The following SLC9D1 variants were observed in gnomAD, a reference collection of about 807,000 sequenced individuals.
SLC9D1 encodes the protein solute carrier family 9 member D1.
At chr13:113,536,657 A>G in the SLC9D1 span, 1 of 795,032 alleles carries the variant, frequency 1.3e-6, no homozygotes, top group African/African-American at 1.9e-5. Context: ...GGCAGCCCTC[A>G]CCGTGCACCT....
the SLC9D1 span, among the ~76,000 whole-genome samples, chr13:113,511,348 CCT>C: frequency 6.6e-6 from 1 of 152,224 alleles, no homozygotes; most frequent in Non-Finnish European, 1.5e-5. Flanking sequence ...GTATGTCTGA[CCT>C]CTCCCATAAA....
the SLC9D1 span, chr13:113,510,196 G>A: frequency 6.4e-7 from 1 of 1,572,456 alleles, no homozygotes; most frequent in South Asian, 1.1e-5. Flanking sequence ...GTCATTGCCT[G>A]TTGTCACTAA....
the SLC9D1 span, among the ~76,000 whole-genome samples, chr13:113,537,681 C>T: frequency 1.5e-4 from 23 of 152,302 alleles, no homozygotes; most frequent in African/African-American, 5.1e-4. Flanking sequence ...GCCCCTGGGT[C>T]GTGAAGATGC....
chr13:113,549,612 C>T, the SLC9D1 span: 2 of 1,598,840 alleles, frequency 1.3e-6, no homozygotes, highest in South Asian at 1.1e-5. Context: ...GCAGCTGCTC[C>T]TTCTGGGAAG....
At chr13:113,541,633 T>C in the SLC9D1 span, among the ~76,000 whole-genome samples, 1,911 of 109,254 alleles carry the variant, frequency 0.017, 21 homozygotes, top group East Asian at 0.033. Context: ...CGCACACGAT[T>C]GCTGATCACT....
At chr13:113,531,981 TCTGCA>T in the SLC9D1 span, among the ~76,000 whole-genome samples, 2,514 of 152,304 alleles carry the variant, frequency 0.017, 67 homozygotes, top group African/African-American at 0.057. Context: ...TCCCCAGCTC[TCTGCA>T]CTGGGCGTGT....
chr13:113,538,857 C>T, the SLC9D1 span, among the ~76,000 whole-genome samples: 4 of 152,332 alleles, frequency 2.6e-5, no homozygotes, highest in African/African-American at 7.2e-5. Flanking sequence ...GTCCGGCCGG[C>T]GCGCTGATGT....
the SLC9D1 span, among the ~76,000 whole-genome samples, chr13:113,512,515 G>A: frequency 1.3e-5 from 2 of 151,954 alleles, no homozygotes; most frequent in East Asian, 1.9e-4. Context: ...GAGTGTAGAC[G>A]GAGAGGGTTG....
chr13:113,502,351 T>C, the SLC9D1 span, among the ~76,000 whole-genome samples: 1 of 152,116 alleles, frequency 6.6e-6, no homozygotes, highest in Non-Finnish European at 1.5e-5. Context: ...GTAGCTGGGA[T>C]TACAGGTGCA....
chr13:113,496,122 C>T, the SLC9D1 span: 1 of 875,834 alleles, frequency 1.1e-6, no homozygotes, highest in Non-Finnish European at 1.7e-6. Context: ...TAGAGACAGC[C>T]CACACGGAGC....
chr13:113,517,709 A>G, the SLC9D1 span, among the ~76,000 whole-genome samples: 3 of 152,238 alleles, frequency 2.0e-5, no homozygotes, highest in African/African-American at 7.2e-5. Flanking sequence ...TTACAAAATA[A>G]TAAACTCAGT....
At chr13:113,516,670 C>G in the SLC9D1 span, among the ~76,000 whole-genome samples, 1 of 152,152 alleles carries the variant, frequency 6.6e-6, no homozygotes, top group African/African-American at 2.4e-5. Context: ...CAGCAGCGGC[C>G]TCAGTCACTC....
chr13:113,493,693 C>T, the SLC9D1 span, among the ~76,000 whole-genome samples: 1 of 152,212 alleles, frequency 6.6e-6, no homozygotes, highest in Non-Finnish European at 1.5e-5. Context: ...GTGGAGTGTG[C>T]TTCTCCTTTT....
the SLC9D1 span, chr13:113,549,902 G>C: frequency 2.0e-6 from 1 of 506,864 alleles, no homozygotes; most frequent in Non-Finnish European, 3.5e-6. Flanking sequence ...AAATTAAAAG[G>C]CTTTTAAAAA....
At chr13:113,543,159 T>TCCCTGTCCGTGACCACC in the SLC9D1 span, among the ~76,000 whole-genome samples, 8 of 41,384 alleles carry the variant, frequency 1.9e-4, 2 homozygotes, top group South Asian at 2.6e-3. Context: ...CCCCCCGCCC[T>TCCCTGTCCGTGACCACC]ACCTCTGTCC....
the SLC9D1 span, among the ~76,000 whole-genome samples, chr13:113,509,026 CGGGTGGGTCCCCT>C: frequency 1.1e-5 from 1 of 90,912 alleles, no homozygotes; most frequent in East Asian, 3.7e-4. Context: ...GCGGGCTTGG[CGGGTGGGTCCCCT>C]GACACTGCCT....
the SLC9D1 span, among the ~76,000 whole-genome samples, chr13:113,521,398 G>A: frequency 6.7e-6 from 1 of 149,402 alleles, no homozygotes. Flanking sequence ...AGCTATCATT[G>A]TATGGTTGTA....
the SLC9D1 span, among the ~76,000 whole-genome samples, chr13:113,520,038 C>T: frequency 3.3e-5 from 5 of 152,184 alleles, no homozygotes; most frequent in Non-Finnish European, 7.4e-5. Flanking sequence ...ATCTTGTTTG[C>T]CATGTCACCT....
the SLC9D1 span, among the ~76,000 whole-genome samples, chr13:113,494,736 C>T: frequency 6.6e-6 from 1 of 151,960 alleles, no homozygotes; most frequent in African/African-American, 2.4e-5. Flanking sequence ...GGCAACATTT[C>T]AAATGATTTT....
Sources: gnomAD v4.1 joint callset for allele counts (sites outside exome capture counted in the v4.1 genomes callset) on GRCh38, gnomAD v4.1.1 for gene constraint, MANE v1.5 for transcripts, NCBI Gene and HGNC (gene_info 2026-07-23, HGNC 2026-07-21) for gene names.